The following PRRC1 variants were observed in gnomAD, a reference collection of about 807,000 sequenced individuals.
PRRC1 encodes the protein proline rich coiled-coil 1, also known as protein PRRC1.
PRRC1 carries 39 observed loss-of-function variants against 40.7 expected under a neutral mutation model. The observed-to-expected ratio is 0.96, with a 90% confidence interval of 0.74 to 1.25. The LOEUF (loss-of-function observed/expected upper bound fraction) is 1.25. Among genes scored for constraint, PRRC1 ranks in the 50% most tolerant of loss-of-function variants. PRRC1 has a pLI of 0.00. For synonymous variants in PRRC1, 175 were observed against 193.3 expected, an observed-to-expected ratio of 0.91 and a Z score of 0.79; for missense variants, 573 against 548.3, an observed-to-expected ratio of 1.05 and a Z score of -0.45.
rs1395570022 is a variant in PRRC1 at position 127,517,765 on chromosome 5, C to T, written c.-32C>T. ...TCTTCAGCGACCACGCAGGCACTTT[C>T]CCGGTCCCCAGGTGAGCGCCAGGTG... On this transcript the variant is annotated 5_prime_UTR_variant, in exon 1 of 9. Coordinates refer to ENST00000296666, the MANE Select transcript of PRRC1 (RefSeq NM_130809.5). The T allele has an allele frequency of 1.3e-5, 2 of 152,628 alleles. No individual in the cohort carries two copies. Among genetic ancestry groups the T allele is most frequent in the African/African-American group, 4.8e-5 (2 of 41,458 alleles). The allele number at this position is 152,628 out of a possible 1,614,324, so 9.5% of individuals were successfully genotyped here.
chr5:127,547,952 C>T (rs1005019238), intron 8 of PRRC1, 31 bp downstream of exon 8: 1 of 1,360,592 alleles, frequency 7.3e-7, no homozygotes, highest in Non-Finnish European at 1.1e-6. Flanking sequence ...TTTCATTATG[C>T]TCCAGAGAAA....
In PRRC1 at chr5:127,553,185, T is replaced by A; in HGVS notation, c.*1269T>A. 1 of 984,324 alleles carries A rather than the reference T, an allele frequency of 1.0e-6. No individual in the cohort carries two copies. The highest frequency in any genetic ancestry group is 1.2e-6 in the Non-Finnish European group (1 of 828,936). The allele number at this position is 984,324 out of a possible 1,614,324, so 61.0% of individuals were successfully genotyped here. A position where few individuals can be genotyped will look rare whatever the true frequency, so the allele number is the denominator to read the frequency against. ...AGAATTAGCACAATCTCTGGCAGTT[T>A]TATAAAAGCTGTTGAAGCTCTTGTC... On this transcript the variant is annotated 3_prime_UTR_variant, in exon 9 of 9. Coordinates refer to ENST00000296666, the MANE Select transcript of PRRC1 (RefSeq NM_130809.5).
At chr5:127,523,135 C>G (rs1767504154) in intron 1 of PRRC1, among the ~76,000 whole-genome samples, 1 of 152,144 alleles carries the variant, frequency 6.6e-6, no homozygotes, top group African/African-American at 2.4e-5. Flanking sequence ...CTCTAACATG[C>G]ATTCATGTGG....
chr5:127,548,284 T>C, intron 8 of PRRC1: 1 of 425,646 alleles, frequency 2.3e-6, no homozygotes, highest in Non-Finnish European at 4.2e-6. Context: ...CACTGTTATC[T>C]CCATTTCCCT....
intron 7 of PRRC1, among the ~76,000 whole-genome samples, chr5:127,541,049 C>T (rs1268336496): frequency 6.6e-6 from 1 of 152,172 alleles, no homozygotes; most frequent in African/African-American, 2.4e-5. Context: ...TACGTCCCAT[C>T]AGTACCTAAT....
At chr5:127,531,291 A>G (rs955495548) in intron 5 of PRRC1, among the ~76,000 whole-genome samples, 2 of 152,184 alleles carry the variant, frequency 1.3e-5, no homozygotes, top group Non-Finnish European at 2.9e-5. Context: ...TAGATCACAC[A>G]ACTTGGTGGA....
At chr5:127,518,262 C>A (rs748988216) in intron 1 of PRRC1, among the ~76,000 whole-genome samples, 27 of 152,296 alleles carry the variant, frequency 1.8e-4, no homozygotes, top group Non-Finnish European at 3.4e-4. Context: ...CCAGGAGGCT[C>A]GAGAGTCATC....
chr5:127,537,831 G>A (rs991303723), intron 6 of PRRC1, among the ~76,000 whole-genome samples: 2 of 151,802 alleles, frequency 1.3e-5, no homozygotes, highest in African/African-American at 4.8e-5. Flanking sequence ...TGTAACATCT[G>A]GTATAAATAA....
intron 4 of PRRC1, 98 bp from the exon 5 acceptor site, chr5:127,530,196 T>A (rs1767730033): frequency 1.2e-6 from 1 of 847,900 alleles, no homozygotes; most frequent in Admixed American, 2.2e-5. Context: ...TGGTTTAGGA[T>A]GCATTGGAAA....
intron 1 of PRRC1, among the ~76,000 whole-genome samples, chr5:127,519,699 T>G (rs1159530224): frequency 6.6e-6 from 1 of 152,208 alleles, no homozygotes; most frequent in African/African-American, 2.4e-5. Flanking sequence ...TGGTATTCTC[T>G]TACGTAATCT....
chr5:127,542,033 A>G (rs1768063470), intron 7 of PRRC1, among the ~76,000 whole-genome samples: 1 of 151,534 alleles, frequency 6.6e-6, no homozygotes, highest in Admixed American at 6.6e-5. Flanking sequence ...ATTTCCCTCT[A>G]CACACTGCTT....
intron 8 of PRRC1, 33 bp from the exon 9 acceptor site, chr5:127,551,674 A>G (rs1768386028): frequency 6.3e-7 from 1 of 1,597,206 alleles, no homozygotes; most frequent in African/African-American, 1.3e-5. Context: ...TTTTAAATGT[A>G]TTATAAGTAA....
intron 7 of PRRC1, among the ~76,000 whole-genome samples, chr5:127,541,621 G>A (rs1768049396): frequency 6.6e-6 from 1 of 152,138 alleles, no homozygotes; most frequent in Non-Finnish European, 1.5e-5. Flanking sequence ...ATGTATCGAG[G>A]AATTTATCCA....
intron 4 of PRRC1, among the ~76,000 whole-genome samples, chr5:127,529,800 T>C (rs1767717157): frequency 6.6e-6 from 1 of 152,108 alleles, no homozygotes; most frequent in African/African-American, 2.4e-5. Context: ...TAGTAGAAGA[T>C]AGCAAAATGT....
At chr5:127,544,846 G>C (rs1768168078) in intron 7 of PRRC1, among the ~76,000 whole-genome samples, 1 of 152,178 alleles carries the variant, frequency 6.6e-6, no homozygotes, top group South Asian at 2.1e-4. Context: ...GTGAGGCAAT[G>C]CCTCACCCTG....
intron 7 of PRRC1, 120 bp downstream of exon 7, chr5:127,539,263 G>A: frequency 1.5e-6 from 1 of 676,110 alleles, no homozygotes; most frequent in Non-Finnish European, 2.5e-6. Flanking sequence ...TTTTGATGCT[G>A]GCTATATCAC....
At chr5:127,543,219 G>A (rs1187619338) in intron 7 of PRRC1, among the ~76,000 whole-genome samples, 1 of 152,170 alleles carries the variant, frequency 6.6e-6, no homozygotes, top group Admixed American at 6.5e-5. Flanking sequence ...CTTCTGGCTT[G>A]TAGAGTTTCT....
At chr5:127,531,626 T>C (rs1377675115) in intron 5 of PRRC1, among the ~76,000 whole-genome samples, 2 of 136,442 alleles carry the variant, frequency 1.5e-5, no homozygotes, top group East Asian at 2.0e-4. Context: ...TCTTTTTTTT[T>C]TTTTTTTTTT....
intron 5 of PRRC1, among the ~76,000 whole-genome samples, chr5:127,531,326 T>C (rs1767764997): frequency 6.6e-6 from 1 of 152,184 alleles, no homozygotes; most frequent in Admixed American, 6.5e-5. Flanking sequence ...ATGCTCAATT[T>C]TTTTACACTT....
Sources: gnomAD v4.1 joint callset for allele counts (sites outside exome capture counted in the v4.1 genomes callset) on GRCh38, gnomAD v4.1.1 for gene constraint, MANE v1.5 for transcripts, NCBI Gene and HGNC (gene_info 2026-07-23, HGNC 2026-07-21) for gene names.